ZFR: variants seen among roughly 807,000 people sequenced by gnomAD.
The protein encoded by ZFR is zinc finger RNA binding protein.
Under a neutral mutation model 130.7 loss-of-function variants are expected in ZFR, and 19 were observed. That is an observed-to-expected ratio of 0.15 (90% confidence interval 0.10 to 0.21). ZFR has a LOEUF of 0.21. Ranked by LOEUF, ZFR falls within the 10% of genes least tolerant of loss-of-function variation. The probability of loss-of-function intolerance (pLI) is 1.00; values close to 1 mark genes in which losing one functional copy is unlikely to be tolerated. For missense variants in ZFR, 872 were observed against 1,321.5 expected (o/e 0.66, Z 5.27); for synonymous variants, 466 against 456.9 (o/e 1.02, Z -0.25).
Position 32,364,188 on chromosome 5 carries a change from T to G in ZFR, c.2923A>C (p.Ile975Leu). 1 of 1,611,966 alleles carries G rather than the reference T, an allele frequency of 6.2e-7. No homozygotes were observed. Residue 975 changes from isoleucine (I) to leucine (L), a missense_variant, in exon 18 of 20, where the codon ATT becomes CTT. Physicochemically the swap from Ile to Leu is conservative, Grantham distance 5. This residue lies in a region of ZFR where 158 missense variants were observed against 264.0 expected (regional missense o/e 0.60). Transcript: ENST00000265069. ...CCTTTAAGAATAATCCCTGAAGAAA[T>G]GCATTCAAAAACTCTTCTCAGTGCA... ...GDALRRVFECISSGIILKGSP... is the reference protein window; with the variant it reads ...GDALRRVFECLSSGIILKGSP...
At chr5:32,410,120 T>G (rs1045555766) in intron 5 of ZFR, among the ~76,000 whole-genome samples, 14 of 150,804 alleles carry the variant, frequency 9.3e-5, no homozygotes, top group African/African-American at 3.2e-4. Context: ...GCCTAGGCAG[T>G]GTGGTGAAAC....
chr5:32,389,066 A>G (rs1753103171), intron 12 of ZFR, among the ~76,000 whole-genome samples: 1 of 152,216 alleles, frequency 6.6e-6, no homozygotes, highest in African/African-American at 2.4e-5. Flanking sequence ...AGAGAAGTCT[A>G]CTTTTTTCTT....
intron 16 of ZFR, 138 bp from the exon 17 acceptor site, chr5:32,379,348 A>G: frequency 1.3e-6 from 1 of 752,992 alleles, no homozygotes. Context: ...ATTGGATTCA[A>G]TGAGCTGCCA....
At chr5:32,374,089 G>T (rs1203310087) in intron 17 of ZFR, among the ~76,000 whole-genome samples, 2 of 152,188 alleles carry the variant, frequency 1.3e-5, no homozygotes, top group African/African-American at 4.8e-5. Context: ...ATTCATACAA[G>T]TAACAACGTG....
At chr5:32,373,977 G>T (rs1752737781) in intron 17 of ZFR, among the ~76,000 whole-genome samples, 1 of 152,142 alleles carries the variant, frequency 6.6e-6, no homozygotes, top group African/African-American at 2.4e-5. Context: ...ACCCTGTGAA[G>T]TGCATGGGTG....
At chr5:32,380,959 CA>C (rs2111711249) in intron 15 of ZFR, among the ~76,000 whole-genome samples, 1 of 152,088 alleles carries the variant, frequency 6.6e-6, no homozygotes, top group Admixed American at 6.6e-5. Flanking sequence ...CCAAAACAGG[CA>C]TTTCTAAAAG....
rs778348929 is a variant in ZFR, at chr5:32,355,679, C to T, written c.*81G>A. The T allele has an allele frequency of 2.4e-6, 3 of 1,264,300 alleles. No homozygotes were observed. Among genetic ancestry groups the T allele is most frequent in the Non-Finnish European group, 3.2e-6 (3 of 936,016 alleles). The allele number at this position is 1,264,300 out of a possible 1,614,324, so 78.3% of individuals were successfully genotyped here. On this transcript the variant is annotated 3_prime_UTR_variant, in exon 20 of 20. Transcript: ENST00000265069. ...TCCTTTAAATTCTTGATAAATTTTT[C>T]AATGTAGACATTATTATGAATGAAA... is the stretch of plus-strand genomic sequence containing the variant.
In ZFR at chr5:32,444,234, T is replaced by TTGGGCC; in HGVS notation, c.126_131dup (p.Ala43_Gln44dup). Reference sequence around the variant, plus strand: ...AGAAGGCAGGATGCCGTTACCTATATTGGGCCGCAGCCGCCGCCGCCGCCG... The same window carrying TTGGGCC: ...AGAAGGCAGGATGCCGTTACCTATATTGGGCCTGGGCCGCAGCCGCCGCCGCCGCCG... On this transcript the variant is annotated inframe_insertion, in exon 2 of 20. Coordinates refer to ENST00000265069, the MANE Select transcript of ZFR (RefSeq NM_016107.5). The TTGGGCC allele has an allele frequency of 3.8e-6, 6 of 1,591,898 alleles. No individual in the cohort carries two copies. Among genetic ancestry groups the TTGGGCC allele is most frequent in the Non-Finnish European group, 4.3e-6 (5 of 1,170,880 alleles).
rs1752263139 is a variant in ZFR at position 32,354,486 on chromosome 5, A to C, written c.*1274T>G. 1 of 152,630 alleles carries C rather than the reference A, an allele frequency of 6.6e-6. No individual in the cohort carries two copies. Among genetic ancestry groups the C allele is most frequent in the South Asian group, 2.1e-4 (1 of 4,832 alleles). The allele number at this position is 152,630 out of a possible 1,614,324, so 9.5% of individuals were successfully genotyped here. On this transcript the variant is annotated 3_prime_UTR_variant, in exon 20 of 20. Transcript: ENST00000265069. ...GTGTATTTCACTGTAGTGCTGTGAC[A>C]ACAAAATGACATCTGTGTACCAGAG...
Position 32,390,268 on chromosome 5 carries a change from C to A in ZFR, c.2142+7G>T, listed in dbSNP as rs1753136691. On this transcript the variant is annotated splice_region_variant and intron_variant, in intron 12 of 19. Coordinates refer to ENST00000265069, the MANE Select transcript of ZFR (RefSeq NM_016107.5). ...TCACCCCTTGTATCACCAACGTGGA[C>A]ACTCACTGCAGGCCCCTGAGGCTGA... The A allele has an allele frequency of 6.2e-7, 1 of 1,608,688 alleles. No individual in the cohort carries two copies. The highest frequency in any genetic ancestry group is 8.5e-7 in the Non-Finnish European group (1 of 1,176,032).
At chr5:32,411,281 G>T (rs990257828) in intron 5 of ZFR, among the ~76,000 whole-genome samples, 5 of 152,110 alleles carry the variant, frequency 3.3e-5, no homozygotes, top group Non-Finnish European at 5.9e-5. Context: ...GATCTCACTG[G>T]GCAAATTTAA....
At chr5:32,357,551 C>T (rs190250741) in intron 19 of ZFR, among the ~76,000 whole-genome samples, 21 of 152,288 alleles carry the variant, frequency 1.4e-4, no homozygotes, top group Admixed American at 3.3e-4. Flanking sequence ...CAGGTGTGGG[C>T]CACCAGGGCC....
intron 5 of ZFR, among the ~76,000 whole-genome samples, chr5:32,413,147 C>G (rs953711651): frequency 6.6e-6 from 1 of 151,952 alleles, no homozygotes; most frequent in Admixed American, 6.6e-5. Flanking sequence ...CAAGCTGGTA[C>G]CACTGCACTC....
intron 2 of ZFR, among the ~76,000 whole-genome samples, chr5:32,433,315 T>C (rs750531631): frequency 9.9e-5 from 15 of 152,160 alleles, no homozygotes; most frequent in African/African-American, 1.4e-4. Context: ...AAATAAGAAT[T>C]ACAGTAATTA....
rs953022686 is a variant in ZFR at position 32,396,693 on chromosome 5, G to A, written c.1833+526C>T. Among the ~76,000 whole-genome samples, 18 of 152,112 alleles carry A rather than the reference G, an allele frequency of 1.2e-4. No homozygotes were observed. The East Asian group carries it at 1.5e-3, about 13-fold the overall frequency. ...CAGGAAGCAGAGGCTGCAGTGAGCCGAGATCATGCCACTGCACTCCAGCCT... is the reference window on the plus strand; with the variant it reads ...CAGGAAGCAGAGGCTGCAGTGAGCCAAGATCATGCCACTGCACTCCAGCCT... On this transcript the variant is annotated intron_variant, in intron 10 of 19. Transcript: ENST00000265069.
chr5:32,441,268 C>T (rs1205274982), intron 2 of ZFR, among the ~76,000 whole-genome samples: 7 of 152,186 alleles, frequency 4.6e-5, no homozygotes, highest in African/African-American at 1.7e-4. Context: ...TGAGCCACCA[C>T]GCCTGGCCTC....
intron 14 of ZFR, among the ~76,000 whole-genome samples, chr5:32,386,924 T>C (rs1353866051): frequency 6.6e-6 from 1 of 152,102 alleles, no homozygotes; most frequent in African/African-American, 2.4e-5. Context: ...ATCTCAGTCA[T>C]TCTGACAAGC....
At chr5:32,394,640 T>C (rs1753257698) in intron 11 of ZFR, among the ~76,000 whole-genome samples, 1 of 152,172 alleles carries the variant, frequency 6.6e-6, no homozygotes, top group Admixed American at 6.5e-5. Context: ...TGTTCTAAAT[T>C]GATTGTGGTG....
chr5:32,424,021 T>G (rs62361575), intron 2 of ZFR, among the ~76,000 whole-genome samples: 3,229 of 152,286 alleles, frequency 0.021, 47 homozygotes, highest in Non-Finnish European at 0.033. Context: ...TGAAGATATA[T>G]TCCAGCTAAA....
Sources: allele counts gnomAD v4.1 joint callset (sites outside exome capture counted in the v4.1 genomes callset), GRCh38; gene constraint gnomAD v4.1.1; regional missense constraint gnomAD v4.1.1; transcripts MANE v1.5; gene names NCBI Gene and HGNC (gene_info 2026-07-23, HGNC 2026-07-21).